SAAL1: variants seen among roughly 807,000 people sequenced by gnomAD.
SAAL1 encodes protein SAAL1.
A neutral mutation model predicts 59.8 loss-of-function variants in SAAL1; 42 were observed. The ratio of observed to expected loss-of-function variants is 0.70; its 90% CI spans 0.55 to 0.91. The LOEUF is 0.91. SAAL1 is among the 40% of genes least tolerant of loss of function. SAAL1 has a pLI of 0.00. For synonymous variants in SAAL1, 191 were observed against 194.3 expected, an observed-to-expected ratio of 0.98 and a Z score of 0.14; for missense variants, 542 against 561.1, an observed-to-expected ratio of 0.97 and a Z score of 0.34.
chr11:18,097,337 A>C (rs977620757), intron 2 of SAAL1, among the ~76,000 whole-genome samples: 2 of 152,194 alleles, frequency 1.3e-5, no homozygotes, highest in Non-Finnish European at 2.9e-5. Context: ...GATGTTAGAG[A>C]GTCTTTATGG....
intron 2 of SAAL1, among the ~76,000 whole-genome samples, chr11:18,098,812 A>C (rs2134064134): frequency 6.6e-6 from 1 of 152,398 alleles, no homozygotes; most frequent in African/African-American, 2.4e-5. Flanking sequence ...AGAAATTTTT[A>C]AATTTAATGG....
chr11:18,092,898 A>G (rs1848536268), intron 3 of SAAL1, among the ~76,000 whole-genome samples: 2 of 152,206 alleles, frequency 1.3e-5, no homozygotes, highest in African/African-American at 2.4e-5. Flanking sequence ...GGCGAAATGC[A>G]TAATGTATTA....
intron 10 of SAAL1, 33 bp from the exon 11 acceptor site, chr11:18,081,536 G>A (rs778010685): frequency 6.4e-7 from 1 of 1,573,602 alleles, no homozygotes; most frequent in Non-Finnish European, 8.7e-7. Flanking sequence ...TGTCAAAAAA[G>A]GAAAATTTTT....
Position 18,096,758 on chromosome 11 carries a change from T to C in SAAL1, c.333+13A>G. 1 of 1,308,356 alleles carries C rather than the reference T, an allele frequency of 7.6e-7. No homozygotes were observed. The highest frequency in any genetic ancestry group is 1.1e-6 in the Non-Finnish European group (1 of 902,120). The allele number at this position is 1,308,356 out of a possible 1,614,324, so 81.0% of individuals were successfully genotyped here. ...GCTTCAAAGAAGAAGGCTTTAGAAA[T>C]GTACATACTTACTCTTAATCGAGGA... On this transcript the variant is annotated intron_variant, in intron 3 of 11. Coordinates refer to ENST00000524803, the MANE Select transcript of SAAL1 (RefSeq NM_138421.3).
intron 10 of SAAL1, 163 bp from the exon 11 acceptor site, chr11:18,081,666 T>G (rs1037912177): frequency 1.7e-6 from 1 of 601,496 alleles, no homozygotes; most frequent in African/African-American, 1.9e-5. Context: ...AACCCAAACA[T>G]GTTCTCCACT....
intron 3 of SAAL1, among the ~76,000 whole-genome samples, chr11:18,093,147 G>T (rs76185110): frequency 6.6e-6 from 1 of 152,130 alleles, no homozygotes; most frequent in African/African-American, 2.4e-5. Flanking sequence ...CTATCAGATC[G>T]ACCATCGGGA....
intron 2 of SAAL1, among the ~76,000 whole-genome samples, chr11:18,097,903 G>A (rs1848594647): frequency 6.6e-6 from 1 of 151,412 alleles, no homozygotes. Context: ...CTAACACTTT[G>A]GGAGGCCAGG....
Position 18,105,984 on chromosome 11 carries a change from C to G in SAAL1, c.58G>C (p.Val20Leu). 1 of 1,512,826 alleles carries G rather than the reference C, an allele frequency of 6.6e-7. No individual in the cohort carries two copies. Among genetic ancestry groups the G allele is most frequent in the Non-Finnish European group, 9.0e-7 (1 of 1,111,642 alleles). 93.7% of individuals were successfully genotyped at this position (1,512,826 alleles called of 1,614,324 possible). A position where few individuals can be genotyped will look rare whatever the true frequency, so the allele number is the denominator to read the frequency against. The change falls in exon 1 of 12, where the codon GTG becomes CTG. Residue 20 changes from valine to leucine, a missense_variant. By Grantham distance (32) the Val-to-Leu change is conservative (BLOSUM62 1). Coordinates refer to ENST00000524803, the MANE Select transcript of SAAL1 (RefSeq NM_138421.3). ...CTCCCTATGCAGTCTCCACCGGCCA[C>G]CTCCTCCTCCTCCTCCTTGTCGCGA... ...PGRDKEEEEE[V>L]AGGDCIGSTV...
At chr11:18,083,769 T>C (rs1473051669) in intron 9 of SAAL1, 38 bp from the exon 10 acceptor site, 2 of 1,437,428 alleles carry the variant, frequency 1.4e-6, no homozygotes, top group South Asian at 2.8e-5. Flanking sequence ...ATTGGCCAGT[T>C]AAGTTTGGTT....
chr11:18,089,194 T>C (rs1181231914), intron 7 of SAAL1, 136 bp downstream of exon 7: 9 of 677,178 alleles, frequency 1.3e-5, no homozygotes, highest in Non-Finnish European at 1.6e-5. Flanking sequence ...TCACAAATAG[T>C]AGTAGTGAAT....
intron 1 of SAAL1, among the ~76,000 whole-genome samples, chr11:18,105,177 T>C (rs1848675205): frequency 6.6e-6 from 1 of 152,010 alleles, no homozygotes; most frequent in Non-Finnish European, 1.5e-5. Context: ...AGCTGCGTTT[T>C]TTGTTTTTTT....
intron 7 of SAAL1, 96 bp downstream of exon 7, chr11:18,089,234 A>T: frequency 2.8e-6 from 3 of 1,080,160 alleles, no homozygotes; most frequent in Non-Finnish European, 2.6e-6. Flanking sequence ...TATGTACTTT[A>T]TTCTGTTGTA....
chr11:18,098,898 G>A lies in SAAL1; in HGVS notation c.250-2044C>T, dbSNP rs939650263. Among the ~76,000 whole-genome samples, 55 of 152,308 alleles carry A rather than the reference G, an allele frequency of 3.6e-4. 1 individual carries two copies. Among genetic ancestry groups the A allele is most frequent in the African/African-American group, 1.3e-3 (52 of 41,564 alleles). On this transcript the variant is annotated intron_variant, in intron 2 of 11. Transcript: ENST00000524803. Reference sequence around the variant, plus strand: ...AATAAAATTAACATTCATTGAACAAGTATTAAATGCCAGGCACAGTGAAGT... The same window carrying A: ...AATAAAATTAACATTCATTGAACAAATATTAAATGCCAGGCACAGTGAAGT...
intron 9 of SAAL1, among the ~76,000 whole-genome samples, chr11:18,085,337 A>G (rs1047115057): frequency 1.3e-5 from 2 of 152,236 alleles, no homozygotes; most frequent in Non-Finnish European, 2.9e-5. Context: ...GTTACAGGAT[A>G]CAAAGTTAAT....
chr11:18,105,903 A>G lies in SAAL1; in HGVS notation c.135+4T>C. On this transcript the variant is annotated splice_donor_region_variant and intron_variant, in intron 1 of 11. Coordinates refer to ENST00000524803, the MANE Select transcript of SAAL1 (RefSeq NM_138421.3). ...CACCCCACGCGTGGCGCGAGTTTCC[A>G]CACCTGGATGAGTCCGCTGAGGACG... The G allele has an allele frequency of 6.3e-7, 1 of 1,594,840 alleles. No individual in the cohort carries two copies. The highest frequency in any genetic ancestry group is 1.8e-5 in the Admixed American group (1 of 57,070).
At chr11:18,081,780 C>T (rs1378493180) in intron 10 of SAAL1, 12 of 356,754 alleles carry the variant, frequency 3.4e-5, no homozygotes, top group Non-Finnish European at 6.2e-5. Flanking sequence ...GCTGACTCCT[C>T]CCGGCAAGTG....
At chr11:18,098,273 A>G (rs1415044284) in intron 2 of SAAL1, among the ~76,000 whole-genome samples, 4 of 152,216 alleles carry the variant, frequency 2.6e-5, no homozygotes, top group Non-Finnish European at 5.9e-5. Flanking sequence ...AATAGAATAA[A>G]AATTCTGATC....
intron 9 of SAAL1, among the ~76,000 whole-genome samples, chr11:18,084,173 CA>C (rs1848438372): frequency 6.6e-6 from 1 of 152,148 alleles, no homozygotes. Flanking sequence ...CGTGTCTTTA[CA>C]AAAAGTACAA....
chr11:18,105,796 G>T, intron 1 of SAAL1, 111 bp downstream of exon 1: 2 of 1,336,538 alleles, frequency 1.5e-6, no homozygotes, highest in Non-Finnish European at 2.0e-6. Flanking sequence ...CACGCCTGGG[G>T]AGGGGTCTTT....
Sources: allele counts gnomAD v4.1 joint callset (sites outside exome capture counted in the v4.1 genomes callset), GRCh38; gene constraint gnomAD v4.1.1; transcripts MANE v1.5; gene names NCBI Gene and HGNC (gene_info 2026-07-23, HGNC 2026-07-21).